Variants in RNF150 observed in about 807,000 individuals in gnomAD.
RNF150 encodes the protein ring finger protein 150.
RNF150 carries 24 observed loss-of-function variants against 39.3 expected under a neutral mutation model. The observed-to-expected ratio is 0.61, with a 90% CI of 0.44 to 0.86. The LOEUF (loss-of-function observed/expected upper bound fraction) is 0.86, where lower values mean the gene tolerates loss of function less well. Ranked by LOEUF, RNF150 falls within the 40% of genes least tolerant of loss-of-function variation. The pLI, the probability that RNF150 is intolerant of heterozygous loss-of-function variation, is 0.00. For missense variants in RNF150, 502 were observed against 587.8 expected (o/e 0.85, Z 1.51); for synonymous variants, 255 against 227.3 (o/e 1.12, Z -1.10).
At chr4:141,020,112 T>C (rs1009844485) in intron 1 of RNF150, among the ~76,000 whole-genome samples, 2 of 151,944 alleles carry the variant, frequency 1.3e-5, no homozygotes, top group Non-Finnish European at 2.9e-5. Context: ...ATTTTTTTTT[T>C]CATTTTACTT....
intron 1 of RNF150, among the ~76,000 whole-genome samples, chr4:140,996,642 A>G (rs1426891128): frequency 6.6e-6 from 1 of 152,234 alleles, no homozygotes; most frequent in Non-Finnish European, 1.5e-5. Flanking sequence ...AACGTTACGA[A>G]AATTATCTGT....
chr4:141,157,617 TC>T (rs1448105222), intron 1 of RNF150, among the ~76,000 whole-genome samples: 1 of 152,178 alleles, frequency 6.6e-6, no homozygotes, highest in Non-Finnish European at 1.5e-5. Context: ...TTTCTCCTTT[TC>T]TTGGGCCTGA....
intron 4 of RNF150, among the ~76,000 whole-genome samples, chr4:140,935,003 A>AT (rs1731783869): frequency 8.7e-6 from 1 of 115,264 alleles, no homozygotes; most frequent in Non-Finnish European, 1.7e-5. Flanking sequence ...ATATATATAT[A>AT]TATAAATATA....
chr4:140,879,898 G>T (rs935358512), intron 6 of RNF150, among the ~76,000 whole-genome samples: 3 of 152,128 alleles, frequency 2.0e-5, no homozygotes, highest in African/African-American at 7.2e-5. Flanking sequence ...TTGAAATGTG[G>T]AATCTTTAAA....
chr4:141,048,183 A>T (rs1278863231), intron 1 of RNF150, among the ~76,000 whole-genome samples: 1 of 152,240 alleles, frequency 6.6e-6, no homozygotes, highest in Non-Finnish European at 1.5e-5. Flanking sequence ...CATGAATGAA[A>T]CCAGTAAAAT....
rs1411722343 is a variant in RNF150, at chr4:140,860,302, A to G, written c.*7959T>C. On this transcript the variant is annotated 3_prime_UTR_variant, in exon 7 of 7. Coordinates refer to ENST00000515673, the MANE Select transcript of RNF150 (RefSeq NM_020724.2). ...CATCTCAATATGCACACAACTTTGT[A>G]CAGAAGATTAGTTTTGGGTAAAAAC... 2 of 152,212 alleles carry G rather than the reference A, an allele frequency of 1.3e-5. No individual in the cohort carries two copies. Among genetic ancestry groups the G allele is most frequent in the Non-Finnish European group, 2.9e-5 (2 of 68,034 alleles). The allele number at this position is 152,212 out of a possible 1,614,324, so 9.4% of individuals were successfully genotyped here. A position where few individuals can be genotyped will look rare whatever the true frequency, so the allele number is the denominator to read the frequency against.
rs545236595 is a variant in RNF150, at chr4:140,918,385, A to G, written c.988-7031T>C. On this transcript the variant is annotated intron_variant, in intron 5 of 6. Coordinates refer to ENST00000515673, the MANE Select transcript of RNF150 (RefSeq NM_020724.2). ...CGATCCCACAGAAATACAAACTACC[A>G]TCAGAGAATAGTACAAACACCTCTA... Among the ~76,000 whole-genome samples the G allele has an allele frequency of 5.3e-5, 8 of 152,366 alleles. No homozygotes were observed. In the East Asian group the frequency reaches 1.3e-3, roughly 26 times the overall value.
chr4:141,206,587 T>C (rs1728378095), intron 1 of RNF150, among the ~76,000 whole-genome samples: 1 of 152,000 alleles, frequency 6.6e-6, no homozygotes, highest in African/African-American at 2.4e-5. Flanking sequence ...AGATAATAGG[T>C]AGTCAGAATG....
intron 1 of RNF150, among the ~76,000 whole-genome samples, chr4:141,015,563 A>T (rs1374394987): frequency 6.6e-6 from 1 of 152,112 alleles, no homozygotes; most frequent in East Asian, 1.9e-4. Flanking sequence ...GTTTGCTGTT[A>T]GTCTATAGAA....
intron 2 of RNF150, among the ~76,000 whole-genome samples, chr4:140,950,643 G>A (rs1253822436): frequency 6.6e-6 from 1 of 152,132 alleles, no homozygotes; most frequent in Non-Finnish European, 1.5e-5. Flanking sequence ...CACCTGGCCA[G>A]CCAGTCAGCC....
intron 4 of RNF150, among the ~76,000 whole-genome samples, chr4:140,942,258 A>G (rs1423454093): frequency 6.6e-6 from 1 of 152,262 alleles, no homozygotes; most frequent in African/African-American, 2.4e-5. Context: ...AACCTTGCTC[A>G]GGCAAAACTA....
intron 1 of RNF150, among the ~76,000 whole-genome samples, chr4:141,088,500 A>G (rs1052108880): frequency 6.6e-6 from 1 of 152,322 alleles, no homozygotes; most frequent in Middle Eastern, 3.4e-3. Flanking sequence ...AAACCTTAGA[A>G]GAAATTTGCT....
intron 6 of RNF150, among the ~76,000 whole-genome samples, chr4:140,901,930 C>T (rs1420406115): frequency 6.6e-6 from 1 of 152,124 alleles, no homozygotes; most frequent in Admixed American, 6.6e-5. Flanking sequence ...TAAAATGCTT[C>T]TGTGTAAAGA....
chr4:141,177,258 C>T (rs1727829543), intron 1 of RNF150, among the ~76,000 whole-genome samples: 2 of 151,970 alleles, frequency 1.3e-5, no homozygotes, highest in Admixed American at 1.3e-4. Flanking sequence ...AGATTCCTTC[C>T]AGTGAACCCA....
chr4:141,081,663 A>G (rs1738153141), intron 1 of RNF150, among the ~76,000 whole-genome samples: 1 of 152,256 alleles, frequency 6.6e-6, no homozygotes, highest in Admixed American at 6.5e-5. Flanking sequence ...ATTTTAGAAC[A>G]GAGAAATAAT....
intron 2 of RNF150, among the ~76,000 whole-genome samples, chr4:140,962,480 T>TCA (rs564271304): frequency 5.4e-4 from 80 of 147,774 alleles, no homozygotes; most frequent in African/African-American, 1.0e-3. Flanking sequence ...TATGTATATC[T>TCA]CACACACACA....
At chr4:140,999,237 A>G (rs1458282419) in intron 1 of RNF150, among the ~76,000 whole-genome samples, 1 of 152,232 alleles carries the variant, frequency 6.6e-6, no homozygotes, top group Non-Finnish European at 1.5e-5. Context: ...TGTTAAGCCA[A>G]AAAACTAAAA....
At chr4:140,998,029 TCCAGATAAATTTGCAC>T (rs1734447303) in intron 1 of RNF150, among the ~76,000 whole-genome samples, 2 of 152,120 alleles carry the variant, frequency 1.3e-5, no homozygotes, top group African/African-American at 4.8e-5. Context: ...TTTCACAGAC[TCCAGATAAATTTGCAC>T]ACTGACTTCA....
chr4:141,181,880 T>C (rs1453398731), intron 1 of RNF150, among the ~76,000 whole-genome samples: 1 of 152,140 alleles, frequency 6.6e-6, no homozygotes, highest in Non-Finnish European at 1.5e-5. Flanking sequence ...CAATGGGAAG[T>C]AATTGGAAGT....
Sources: gnomAD v4.1 joint callset for allele counts (sites outside exome capture counted in the v4.1 genomes callset) on GRCh38, gnomAD v4.1.1 for gene constraint, MANE v1.5 for transcripts, NCBI Gene and HGNC (gene_info 2026-07-23, HGNC 2026-07-21) for gene names.